The following GNB4 variants were observed in gnomAD, a reference collection of about 807,000 sequenced individuals.
GNB4 encodes guanine nucleotide-binding protein subunit beta-4.
GNB4 carries 28 observed loss-of-function variants against 45.2 expected under a neutral mutation model. The ratio of observed to expected loss-of-function variants is 0.62; its 90% CI spans 0.46 to 0.85. The LOEUF (loss-of-function observed/expected upper bound fraction) is 0.85, where lower values mean the gene tolerates loss of function less well. Ranked by LOEUF, GNB4 falls within the 40% of genes least tolerant of loss-of-function variation. The pLI, the probability that GNB4 is intolerant of heterozygous loss-of-function variation, is 0.00. For missense variants in GNB4, 321 were observed against 425.4 expected, an observed-to-expected ratio of 0.75 and a Z score of 2.16; for synonymous variants, 132 against 143.7, an observed-to-expected ratio of 0.92 and a Z score of 0.58.
chr3:179,479,121 C>T, the GNB4 span, among the ~76,000 whole-genome samples: 5 of 152,076 alleles, frequency 3.3e-5, no homozygotes, highest in African/African-American at 1.2e-4. Context: ...ACTAATACAC[C>T]CAACTAACTT....
chr3:179,403,283 C>T (rs916528765), intron 9 of GNB4, among the ~76,000 whole-genome samples: 1 of 149,180 alleles, frequency 6.7e-6, no homozygotes, highest in Non-Finnish European at 1.5e-5. Flanking sequence ...AAAATAAAGA[C>T]AGGAAACCCC....
At chr3:179,505,989 T>C in the GNB4 span, among the ~76,000 whole-genome samples, 1 of 152,368 alleles carries the variant, frequency 6.6e-6, no homozygotes, top group African/African-American at 2.4e-5. Context: ...CTGATTTACA[T>C]AAGCAATATT....
At chr3:179,440,878 GAT>G (rs1248771374) in intron 1 of GNB4, among the ~76,000 whole-genome samples, 94 of 116,704 alleles carry the variant, frequency 8.1e-4, no homozygotes, top group South Asian at 4.7e-3. Flanking sequence ...TATATAGATA[GAT>G]AGAGAGAGAG....
chr3:179,464,912 C>T, the GNB4 span: 3 of 1,522,482 alleles, frequency 2.0e-6, no homozygotes, highest in African/African-American at 1.4e-5. Context: ...AACTGACATT[C>T]CAACCCTAGG....
chr3:179,493,394 C>G, the GNB4 span, among the ~76,000 whole-genome samples: 1 of 150,884 alleles, frequency 6.6e-6, no homozygotes, highest in Non-Finnish European at 1.5e-5. Flanking sequence ...AAAAAAGAAC[C>G]AAACAGGAAT....
intron 3 of GNB4, among the ~76,000 whole-genome samples, 171 bp from the exon 4 acceptor site, chr3:179,419,676 G>T (rs1470759477): frequency 1.3e-5 from 2 of 152,116 alleles, no homozygotes; most frequent in East Asian, 3.8e-4. Flanking sequence ...ATATGTTCCT[G>T]AAAATTATGA....
At chr3:179,459,031 C>T in the GNB4 span, among the ~76,000 whole-genome samples, 1 of 152,158 alleles carries the variant, frequency 6.6e-6, no homozygotes, top group African/African-American at 2.4e-5. Flanking sequence ...TTACTACATA[C>T]AACAGATTTG....
chr3:179,468,113 C>T, the GNB4 span, among the ~76,000 whole-genome samples: 4 of 143,786 alleles, frequency 2.8e-5, no homozygotes, highest in Non-Finnish European at 4.6e-5. Context: ...TGGGAGGATT[C>T]CTTGAGTGCA....
At chr3:179,406,925 T>C (rs114753554) in intron 8 of GNB4, among the ~76,000 whole-genome samples, 1,940 of 152,264 alleles carry the variant, frequency 0.013, 35 homozygotes, top group African/African-American at 0.045. Context: ...CCTCTTTTAA[T>C]TACTTTTTAA....
At chr3:179,453,329 C>A (rs544730058), upstream of GNB4, among the ~76,000 whole-genome samples, 8 of 152,270 alleles carry the variant, frequency 5.3e-5, no homozygotes, top group South Asian at 1.7e-3. Context: ...ACCGTGTTGA[C>A]CAGGCTGGTC....
chr3:179,492,291 T>C, the GNB4 span, among the ~76,000 whole-genome samples: 7 of 152,156 alleles, frequency 4.6e-5, no homozygotes, highest in Non-Finnish European at 1.0e-4. Flanking sequence ...TCCATGCCAC[T>C]GTGCTTCCCC....
chr3:179,407,949 A>T (rs1346773181), intron 8 of GNB4, among the ~76,000 whole-genome samples: 1 of 152,176 alleles, frequency 6.6e-6, no homozygotes, highest in Non-Finnish European at 1.5e-5. Context: ...AGTGGGGCAA[A>T]ATTAAGCACA....
At position 179,413,753 on chromosome 3, in the gene GNB4, A is replaced by T; in HGVS notation, c.459T>A (p.Asp153Glu). 2 of 1,614,170 alleles carry T rather than the reference A, an allele frequency of 1.2e-6. No homozygotes were observed. The highest frequency in any genetic ancestry group is 1.7e-6 in the Non-Finnish European group (2 of 1,180,008). The change falls in exon 7 of 10, where the codon GAT (aspartate) becomes GAA (glutamate). Residue 153 changes from aspartate (D) to glutamate (E), a missense_variant. Asp to Glu is a conservative substitution (Grantham distance 45). Coordinates refer to ENST00000232564, the MANE Select transcript of GNB4 (RefSeq NM_021629.4). ...CTGAACTTGTAACAATTTGGCTGTCATCTAAAAAACGACAGCAGGACAAGT... is the reference window on the plus strand; with the variant it reads ...CTGAACTTGTAACAATTTGGCTGTCTTCTAAAAAACGACAGCAGGACAAGT... ...TGYLSCCRFL[D>E]DSQIVTSSGD...
intron 2 of GNB4, among the ~76,000 whole-genome samples, chr3:179,423,548 C>T (rs968155530): frequency 6.6e-6 from 1 of 152,146 alleles, no homozygotes; most frequent in East Asian, 1.9e-4. Context: ...CTTTGGGAGG[C>T]CGAGGCAGGT....
At chr3:179,485,206 G>A in the GNB4 span, among the ~76,000 whole-genome samples, 1 of 151,798 alleles carries the variant, frequency 6.6e-6, no homozygotes, top group Non-Finnish European at 1.5e-5. Context: ...TAGAGACGGG[G>A]TTTCACCGTG....
At chr3:179,426,670 T>C (rs969589572) in intron 1 of GNB4, among the ~76,000 whole-genome samples, 8 of 152,168 alleles carry the variant, frequency 5.3e-5, no homozygotes, top group Admixed American at 2.0e-4. Context: ...TACTTACAAT[T>C]GTTTAAGCTA....
At chr3:179,424,761 C>T (rs1715094778) in intron 2 of GNB4, among the ~76,000 whole-genome samples, 1 of 152,142 alleles carries the variant, frequency 6.6e-6, no homozygotes, top group Admixed American at 6.5e-5. Flanking sequence ...CAAGCCACCA[C>T]ACCCGGCTAA....
chr3:179,466,761 T>G, the GNB4 span, among the ~76,000 whole-genome samples: 6 of 152,240 alleles, frequency 3.9e-5, no homozygotes, highest in Admixed American at 1.3e-4. Context: ...AAAATGTTTG[T>G]GTATATACAA....
the GNB4 span, among the ~76,000 whole-genome samples, chr3:179,511,010 A>ATACATCT: frequency 6.6e-6 from 1 of 152,106 alleles, no homozygotes; most frequent in Non-Finnish European, 1.5e-5. Flanking sequence ...CCACCTACAC[A>ATACATCT]GATGCGTGAT....
Sources: gnomAD v4.1 joint callset for allele counts (sites outside exome capture counted in the v4.1 genomes callset) on GRCh38, gnomAD v4.1.1 for gene constraint, MANE v1.5 for transcripts, NCBI Gene and HGNC (gene_info 2026-07-23, HGNC 2026-07-21) for gene names.